Variants in GLIS3 observed in about 807,000 individuals in gnomAD.
The protein encoded by GLIS3 is zinc finger protein GLIS3.
In GLIS3, 53 loss-of-function variants were observed where a neutral mutation model predicts 78.6. That is an observed-to-expected ratio of 0.67 (90% CI 0.54 to 0.85). GLIS3 has a LOEUF of 0.85. GLIS3 is among the 40% of genes least tolerant of loss of function. GLIS3 has a pLI of 0.00. For synonymous variants in GLIS3, 684 were observed against 509.9 expected (o/e 1.34, Z -4.60); for missense variants, 1,703 against 1,231.1 (o/e 1.38, Z -5.74).
At chr9:3,967,489 C>A (rs1014054281) in intron 4 of GLIS3, among the ~76,000 whole-genome samples, 1 of 151,514 alleles carries the variant, frequency 6.6e-6, no homozygotes, top group African/African-American at 2.4e-5. Context: ...GGCAATAGAG[C>A]GAGACTCCAC....
At chr9:4,154,245 A>C (rs775815188) in intron 2 of GLIS3, among the ~76,000 whole-genome samples, 2 of 152,186 alleles carry the variant, frequency 1.3e-5, no homozygotes, top group Admixed American at 6.5e-5. Context: ...GGGGTAGAGA[A>C]ATAGACTCCA....
chr9:3,971,275 G>A (rs1216144510), intron 4 of GLIS3, among the ~76,000 whole-genome samples: 1 of 152,106 alleles, frequency 6.6e-6, no homozygotes, highest in African/African-American at 2.4e-5. Flanking sequence ...CACACTTTCT[G>A]CCTATGTCAC....
chr9:3,945,270 G>A (rs1298775434), intron 4 of GLIS3, among the ~76,000 whole-genome samples: 2 of 152,146 alleles, frequency 1.3e-5, no homozygotes, highest in African/African-American at 4.8e-5. Flanking sequence ...TATAATATAT[G>A]AGCATAATAC....
At chr9:4,295,153 A>C (rs1157818895) in intron 1 of GLIS3, among the ~76,000 whole-genome samples, 1 of 152,224 alleles carries the variant, frequency 6.6e-6, no homozygotes, top group Admixed American at 6.5e-5. Context: ...GTTGCAAATG[A>C]ACAGTTCAAT....
At chr9:4,460,464 C>T in the GLIS3 span, among the ~76,000 whole-genome samples, 1 of 152,186 alleles carries the variant, frequency 6.6e-6, no homozygotes, top group South Asian at 2.1e-4. Flanking sequence ...TGGTGCTTCT[C>T]CAGCCACATT....
chr9:4,225,177 A>C (rs1821663584), intron 2 of GLIS3, among the ~76,000 whole-genome samples: 1 of 152,082 alleles, frequency 6.6e-6, no homozygotes, highest in South Asian at 2.1e-4. Context: ...AGTTAATAAG[A>C]TGAGACCAGT....
intron 4 of GLIS3, among the ~76,000 whole-genome samples, chr9:3,953,986 CT>C (rs1816915260): frequency 2.6e-5 from 4 of 151,950 alleles, no homozygotes; most frequent in Admixed American, 2.6e-4. Flanking sequence ...GTTTTTTTCC[CT>C]TTTTTCTCCC....
At chr9:4,357,302 G>C in the GLIS3 span, among the ~76,000 whole-genome samples, 2 of 152,182 alleles carry the variant, frequency 1.3e-5, no homozygotes, top group East Asian at 3.9e-4. Context: ...CCCCTCCCAA[G>C]TGTGGGTGGG....
chr9:3,891,234 A>G lies in GLIS3; in HGVS notation c.2128+7457T>C, dbSNP rs79902900. On this transcript the variant is annotated intron_variant, in intron 7 of 10. Transcript: ENST00000381971. Reference sequence around the variant, plus strand: ...TAGTTACAACTATTAGGTGCTGAACACTTACTATGTTTAAAGAACTCTTTA... The same window carrying G: ...TAGTTACAACTATTAGGTGCTGAACGCTTACTATGTTTAAAGAACTCTTTA... Among the ~76,000 whole-genome samples the G allele has an allele frequency of 3.7e-3, 567 of 152,288 alleles. 2 individuals are homozygous for G. The highest frequency in any genetic ancestry group is 1.0e-2 in the African/African-American group (415 of 41,562).
intron 2 of GLIS3, among the ~76,000 whole-genome samples, chr9:4,336,866 T>C (rs1466328293): frequency 6.6e-6 from 1 of 152,226 alleles, no homozygotes; most frequent in African/African-American, 2.4e-5. Context: ...TACAAAGTTA[T>C]CTGTCAATTC....
chr9:3,955,873 A>T (rs1378827762), intron 4 of GLIS3, among the ~76,000 whole-genome samples: 1 of 152,114 alleles, frequency 6.6e-6, no homozygotes, highest in Non-Finnish European at 1.5e-5. Context: ...GGGAGAAGAA[A>T]GAGTCAATAT....
chr9:4,187,591 T>C (rs916663969), intron 2 of GLIS3, among the ~76,000 whole-genome samples: 1 of 152,220 alleles, frequency 6.6e-6, no homozygotes, highest in African/African-American at 2.4e-5. Flanking sequence ...TTGGACTGTA[T>C]GGCCATTTTC....
intron 3 of GLIS3, among the ~76,000 whole-genome samples, chr9:4,309,641 T>A (rs576317954): frequency 1.3e-5 from 2 of 152,244 alleles, no homozygotes; most frequent in Non-Finnish European, 1.5e-5. Flanking sequence ...ACATTTCTAT[T>A]TTGATGACTG....
intron 2 of GLIS3, among the ~76,000 whole-genome samples, chr9:4,231,804 G>T (rs1353987373): frequency 6.6e-6 from 1 of 152,064 alleles, no homozygotes; most frequent in Non-Finnish European, 1.5e-5. Flanking sequence ...GTAAACAATG[G>T]TCCTACTACT....
At chr9:4,470,125 C>G in the GLIS3 span, among the ~76,000 whole-genome samples, 1 of 152,096 alleles carries the variant, frequency 6.6e-6, no homozygotes, top group Non-Finnish European at 1.5e-5. Context: ...ACCCACCAAC[C>G]AAAAACAGTC....
At chr9:4,198,174 G>C (rs934414468) in intron 2 of GLIS3, among the ~76,000 whole-genome samples, 1 of 152,062 alleles carries the variant, frequency 6.6e-6, no homozygotes, top group African/African-American at 2.4e-5. Flanking sequence ...ATTCAGTTAT[G>C]GCAGATAAAG....
intron 4 of GLIS3, among the ~76,000 whole-genome samples, chr9:3,940,024 G>A (rs550365745): frequency 3.8e-4 from 58 of 152,288 alleles, no homozygotes; most frequent in African/African-American, 1.3e-3. Context: ...CTCTAATGGC[G>A]TCTGGATGAA....
intron 4 of GLIS3, among the ~76,000 whole-genome samples, chr9:4,103,564 C>G (rs1365239587): frequency 6.6e-6 from 1 of 152,178 alleles, no homozygotes; most frequent in Non-Finnish European, 1.5e-5. Flanking sequence ...CACACAATGA[C>G]CAAGAAGTCT....
the GLIS3 span, among the ~76,000 whole-genome samples, chr9:4,477,796 A>G: frequency 6.6e-6 from 1 of 152,216 alleles, no homozygotes; most frequent in Non-Finnish European, 1.5e-5. Flanking sequence ...ACGGCTGCAG[A>G]GTAATATGAA....
Sources: allele counts gnomAD v4.1 joint callset (sites outside exome capture counted in the v4.1 genomes callset), GRCh38; gene constraint gnomAD v4.1.1; transcripts MANE v1.5; gene names NCBI Gene and HGNC (gene_info 2026-07-23, HGNC 2026-07-21).